The following KATNIP variants were observed in gnomAD, a reference collection of about 807,000 sequenced individuals.
The protein encoded by KATNIP is katanin-interacting protein.
In KATNIP, 126 loss-of-function variants were observed where a neutral mutation model predicts 174.0. That is an observed-to-expected ratio of 0.72 (90% confidence interval 0.63 to 0.84). The LOEUF is 0.84. Ranked by LOEUF, KATNIP falls within the 40% of genes least tolerant of loss-of-function variation. The probability of loss-of-function intolerance (pLI) is 0.00; values close to 1 mark genes in which losing one functional copy is unlikely to be tolerated. For missense variants in KATNIP, 1,958 were observed against 2,109.7 expected (o/e 0.93, Z 1.41); for synonymous variants, 810 against 835.7 (o/e 0.97, Z 0.53).
At chr16:27,640,384 C>T (rs993367809) in intron 5 of KATNIP, among the ~76,000 whole-genome samples, 26 of 152,170 alleles carry the variant, frequency 1.7e-4, no homozygotes, top group African/African-American at 5.5e-4. Flanking sequence ...GAGCCATGCA[C>T]GGCCTGGGGG....
chr16:27,727,881 G>C (rs1322399856), intron 14 of KATNIP: 3 of 152,212 alleles, frequency 2.0e-5, no homozygotes, highest in African/African-American at 7.2e-5. Context: ...AACAAAAAAA[G>C]TTTGTTTGTT....
At position 27,754,197 on chromosome 16, in the gene KATNIP, A is replaced by G. The variant is rs1467250595; in HGVS notation, c.3577A>G (p.Ser1193Gly). ...GATCCCGGAGCTAGAGCTCCCATCCAGTTCCCCTGTCCCCCAAGTCACCAC... is the reference window on the plus strand; with the variant it reads ...GATCCCGGAGCTAGAGCTCCCATCCGGTTCCCCTGTCCCCCAAGTCACCAC... ...ERIPELELPS[S>G]SPVPQVTTPE... The change falls in exon 18 of 28, where the codon AGT becomes GGT. Residue 1193 changes from serine (S) to glycine (G), a missense_variant. Around this residue, in one of 3 missense-constraint regions of KATNIP, gnomAD observed 1,557 missense variants for 1,617.8 expected, o/e 0.96. Transcript: ENST00000261588. The G allele has an allele frequency of 6.2e-6, 10 of 1,614,136 alleles. No individual in the cohort carries two copies. The highest frequency in any genetic ancestry group is 8.5e-6 in the Non-Finnish European group (10 of 1,179,996).
chr16:27,709,010 G>T, intron 13 of KATNIP, 90 bp downstream of exon 13: 1 of 1,052,370 alleles, frequency 9.5e-7, no homozygotes. Flanking sequence ...GGGTATGAGT[G>T]GAGGGAGGGG....
At chr16:27,678,631 G>C (rs1457780582) in intron 7 of KATNIP, among the ~76,000 whole-genome samples, 1 of 152,184 alleles carries the variant, frequency 6.6e-6, no homozygotes, top group Non-Finnish European at 1.5e-5. Flanking sequence ...AAAAGTCCCA[G>C]ACCTGGTTCT....
intron 14 of KATNIP, chr16:27,727,977 C>T (rs1489913176): frequency 6.6e-6 from 1 of 152,264 alleles, no homozygotes; most frequent in Non-Finnish European, 1.5e-5. Flanking sequence ...TTAAACATTC[C>T]TAATTCTCTC....
chr16:27,665,883 G>A (rs1455248195), intron 6 of KATNIP, among the ~76,000 whole-genome samples: 1 of 152,214 alleles, frequency 6.6e-6, no homozygotes, highest in South Asian at 2.1e-4. Context: ...TTACAGGTAT[G>A]AGCCACTGTG....
chr16:27,635,774 C>A (rs1055496792), intron 5 of KATNIP, among the ~76,000 whole-genome samples: 1 of 152,092 alleles, frequency 6.6e-6, no homozygotes, highest in East Asian at 1.9e-4. Flanking sequence ...GTCAAACTTG[C>A]CCCCAGATAA....
At chr16:27,749,083 C>T (rs1042142516) in intron 15 of KATNIP, among the ~76,000 whole-genome samples, 11 of 152,180 alleles carry the variant, frequency 7.2e-5, no homozygotes, top group African/African-American at 2.7e-4. Flanking sequence ...GTGGCTGACT[C>T]AGACGCCTCA....
rs1254241270 is a variant in KATNIP, at chr16:27,750,320, G to C, written c.3346+14G>C. The C allele has an allele frequency of 6.3e-7, 1 of 1,586,060 alleles. No homozygotes were observed. Among genetic ancestry groups the C allele is most frequent in the South Asian group, 1.2e-5 (1 of 84,912 alleles). Reference sequence around the variant, plus strand: ...CCCTGGCGGGAGGTATGGCGTGTCTGTAAGAATTTTCTCAGAGCCCCTATC... The same window carrying C: ...CCCTGGCGGGAGGTATGGCGTGTCTCTAAGAATTTTCTCAGAGCCCCTATC... On this transcript the variant is annotated intron_variant, in intron 16 of 27. Transcript: ENST00000261588.
intron 2 of KATNIP, among the ~76,000 whole-genome samples, chr16:27,587,490 C>T (rs536948049): frequency 1.3e-5 from 2 of 152,316 alleles, no homozygotes; most frequent in East Asian, 1.9e-4. Flanking sequence ...GGTTCGTTAT[C>T]GTACCAACCT....
intron 11 of KATNIP, 150 bp from the exon 12 acceptor site, chr16:27,703,746 C>T (rs1472591846): frequency 9.6e-6 from 6 of 627,370 alleles, no homozygotes; most frequent in Non-Finnish European, 1.7e-5. Flanking sequence ...AGAAAAACAG[C>T]AAGCCTGCCC....
At chr16:27,679,211 G>A (rs898396683) in intron 7 of KATNIP, 3 of 152,238 alleles carry the variant, frequency 2.0e-5, no homozygotes, top group Non-Finnish European at 4.4e-5. Flanking sequence ...CTGGAGACTG[G>A]AAGCCTGAGA....
intron 2 of KATNIP, among the ~76,000 whole-genome samples, chr16:27,588,822 T>C (rs2091000179): frequency 6.6e-6 from 1 of 151,962 alleles, no homozygotes; most frequent in Non-Finnish European, 1.5e-5. Context: ...AAATAACTGC[T>C]GTTATACATT....
At chr16:27,735,882 T>A (rs1455081603) in intron 14 of KATNIP, among the ~76,000 whole-genome samples, 2 of 152,216 alleles carry the variant, frequency 1.3e-5, no homozygotes, top group African/African-American at 2.4e-5. Flanking sequence ...AAATAAACGA[T>A]CTGGAGGTGA....
chr16:27,771,684 T>C (rs779545279), intron 22 of KATNIP, 32 bp downstream of exon 22: 2 of 1,609,082 alleles, frequency 1.2e-6, no homozygotes, highest in Non-Finnish European at 1.7e-6. Flanking sequence ...ACCAGCACAT[T>C]CTGGGCCCCG....
At chr16:27,677,646 T>G in intron 6 of KATNIP, 83 bp from the exon 7 acceptor site, 1 of 1,338,846 alleles carries the variant, frequency 7.5e-7, no homozygotes, top group Admixed American at 2.2e-5. Context: ...AGAATAATTC[T>G]TTGGTTCAAA....
rs1036258636 is a variant in KATNIP, at chr16:27,756,880, G to A, written c.3631+2629G>A. 4.3e-4 allele frequency among the ~76,000 whole-genome samples: 66 copies of A among 152,060 alleles called. 1 individual carries two copies. Among genetic ancestry groups the A allele is most frequent in the Admixed American group, 4.1e-3 (62 of 15,274 alleles). ...GCCTCCCTCTCCCTGCTTTCTTTTC[G>A]TCTCTTGACATTCTCCCATTCAACA... On this transcript the variant is annotated intron_variant, in intron 18 of 27. Transcript: ENST00000261588.
At chr16:27,582,826 A>G (rs2090749583) in intron 2 of KATNIP, among the ~76,000 whole-genome samples, 1 of 152,194 alleles carries the variant, frequency 6.6e-6, no homozygotes, top group Non-Finnish European at 1.5e-5. Flanking sequence ...GAGCTCAATA[A>G]ATGTCAACAA....
intron 3 of KATNIP, among the ~76,000 whole-genome samples, chr16:27,621,307 G>A (rs1356477414): frequency 4.0e-5 from 6 of 151,876 alleles, no homozygotes; most frequent in African/African-American, 1.5e-4. Context: ...AATTCATCAT[G>A]ATACTCTTGG....
Sources: gnomAD v4.1 joint callset for allele counts (sites outside exome capture counted in the v4.1 genomes callset) on GRCh38, gnomAD v4.1.1 for gene constraint, gnomAD v4.1.1 regional missense constraint, MANE v1.5 for transcripts, NCBI Gene and HGNC (gene_info 2026-07-23, HGNC 2026-07-21) for gene names.